The following TULP4 variants were observed in gnomAD, a reference collection of about 807,000 sequenced individuals.
TULP4 encodes TUB like protein 4.
A neutral mutation model predicts 129.0 loss-of-function variants in TULP4; 16 were observed. The ratio of observed to expected loss-of-function variants is 0.12; its 90% CI spans 0.08 to 0.19. The LOEUF (loss-of-function observed/expected upper bound fraction) is 0.19, where lower values mean the gene tolerates loss of function less well. Ranked by LOEUF, TULP4 falls within the 10% of genes least tolerant of loss-of-function variation. The probability of loss-of-function intolerance (pLI) is 1.00; values close to 1 mark genes in which losing one functional copy is unlikely to be tolerated. For missense variants in TULP4, 1,842 were observed against 2,059.1 expected (o/e 0.89, Z 2.04); for synonymous variants, 998 against 854.0 (o/e 1.17, Z -2.94).
rs556955294 is a variant in TULP4 at position 158,284,512 on chromosome 6, C to T, written n.116+2134C>T. On this transcript the variant is annotated intron_variant and non_coding_transcript_variant, in intron 1 of 1. Coordinates refer to the TULP4 transcript ENST00000432358. Reference sequence around the variant, plus strand: ...CTAGACATATAAGGAAATGAGCCGCCGTGAATGAGAGTCAGCTTAAAGTCA... The same window carrying T: ...CTAGACATATAAGGAAATGAGCCGCTGTGAATGAGAGTCAGCTTAAAGTCA... Among the ~76,000 whole-genome samples the T allele has an allele frequency of 4.6e-5, 7 of 151,034 alleles. 1 individual carries two copies. The highest frequency in any genetic ancestry group is 1.9e-4 in the East Asian group (1 of 5,186).
At chr6:158,411,390 A>T (rs1778097847) in intron 1 of TULP4, among the ~76,000 whole-genome samples, 1 of 152,178 alleles carries the variant, frequency 6.6e-6, no homozygotes, top group African/African-American at 2.4e-5. Flanking sequence ...GACTAGAGCA[A>T]GGAAGAGGGT....
At chr6:158,350,248 C>G (rs371918694) in intron 1 of TULP4, among the ~76,000 whole-genome samples, 1 of 4,520 alleles carries the variant, frequency 2.2e-4, no homozygotes, top group Non-Finnish European at 1.0e-3. Flanking sequence ...CCAGACGGGG[C>G]GGCCGGGCAG....
At chr6:158,489,500 CGTCT>C (rs1334831178) in intron 8 of TULP4, 84 bp from the exon 9 acceptor site, 18 of 1,511,534 alleles carry the variant, frequency 1.2e-5, no homozygotes, top group Non-Finnish European at 1.4e-5. Context: ...CTGTGGAGTC[CGTCT>C]GTCTTTTAGT....
intron 1 of TULP4, among the ~76,000 whole-genome samples, chr6:158,299,624 T>TAACATTAACCCATAGTAAC (rs1779099711): frequency 6.6e-6 from 1 of 152,184 alleles, no homozygotes; most frequent in African/African-American, 2.4e-5. Flanking sequence ...AGGAGGGCAT[T>TAACATTAACCCATAGTAAC]TATAACCCAT....
Position 158,502,564 on chromosome 6 carries a change from G to T in TULP4, c.2901G>T (p.Gln967His), listed in dbSNP as rs1357384165. ...DPPPYPEIASQLAQGRGAAQR... is the reference protein window; with the variant it reads ...DPPPYPEIASHLAQGRGAAQR... ...CCCCGTATCCTGAAATTGCCAGCCA[G>T]CTGGCCCAGGGGCGGGGGGCTGCCC... The change falls in exon 13 of 14, where the codon CAG becomes CAT. Residue 967 changes from glutamine (Q) to histidine (H), a missense_variant. By Grantham distance (24) the Gln-to-His change is conservative. Transcript: ENST00000367097. 1 of 1,606,334 alleles carries T rather than the reference G, an allele frequency of 6.2e-7. No homozygotes were observed. Among genetic ancestry groups the T allele is most frequent in the East Asian group, 2.2e-5 (1 of 44,852 alleles).
intron 7 of TULP4, 77 bp from the exon 8 acceptor site, chr6:158,480,978 C>T (rs1019187499): frequency 6.0e-6 from 8 of 1,340,894 alleles, no homozygotes; most frequent in African/African-American, 2.9e-5. Context: ...GTTGACCTGC[C>T]CCCGTGCCCA....
At chr6:158,351,059 T>C (rs976626006) in intron 1 of TULP4, among the ~76,000 whole-genome samples, 5 of 152,274 alleles carry the variant, frequency 3.3e-5, no homozygotes, top group African/African-American at 1.2e-4. Context: ...TGGCCCTGTT[T>C]TGGTCTTTAT....
intron 1 of TULP4, among the ~76,000 whole-genome samples, chr6:158,259,287 A>G (rs896640444): frequency 6.6e-6 from 1 of 152,222 alleles, no homozygotes; most frequent in Non-Finnish European, 1.5e-5. Flanking sequence ...AGTGTGTGCC[A>G]GTGGATCTGT....
intron 8 of TULP4, 82 bp from the exon 9 acceptor site, chr6:158,489,506 T>C (rs1269858887): frequency 6.5e-7 from 1 of 1,548,908 alleles, no homozygotes; most frequent in Non-Finnish European, 8.8e-7. Context: ...AGTCCGTCTG[T>C]CTTTTAGTTT....
chr6:158,413,125 G>A lies in TULP4; in HGVS notation c.313G>A (p.Gly105Ser). 2 of 1,614,044 alleles carry A rather than the reference G, an allele frequency of 1.2e-6. No individual in the cohort carries two copies. Among genetic ancestry groups the A allele is most frequent in the Non-Finnish European group, 1.7e-6 (2 of 1,179,910 alleles). The change falls in exon 2 of 14, where the codon GGC becomes AGC. Residue 105 changes from glycine (G) to serine (S), a missense_variant. Coordinates refer to ENST00000367097, the MANE Select transcript of TULP4 (RefSeq NM_020245.5). This position sits in a 1 kb window ranked among gnomAD's most constrained non-coding sequence, Gnocchi z 4.9. ...QKLATCDADG[G>S]IFVWIQYEGR... ...ACTGGCCACGTGCGATGCGGACGGAGGCATATTCGTGTGGATTCAGTACGA... is the reference window on the plus strand; with the variant it reads ...ACTGGCCACGTGCGATGCGGACGGAAGCATATTCGTGTGGATTCAGTACGA...
At chr6:158,398,392 C>T (rs1027051332) in intron 1 of TULP4, 2 of 152,260 alleles carry the variant, frequency 1.3e-5, no homozygotes, top group Non-Finnish European at 2.9e-5. Flanking sequence ...TTCACAATGT[C>T]CCCCCTTTCC....
chr6:158,451,894 C>T (rs530511080), intron 4 of TULP4, among the ~76,000 whole-genome samples: 4 of 152,316 alleles, frequency 2.6e-5, no homozygotes, highest in Non-Finnish European at 5.9e-5. Flanking sequence ...CACCAATTGC[C>T]CCCAGGGCTA....
chr6:158,293,182 A>T (rs1778974306), intron 1 of TULP4, among the ~76,000 whole-genome samples: 1 of 152,294 alleles, frequency 6.6e-6, no homozygotes, highest in Non-Finnish European at 1.5e-5. Flanking sequence ...CAGCCATATA[A>T]AGTAAATAGG....
chr6:158,416,852 T>C (rs956766616), intron 2 of TULP4, among the ~76,000 whole-genome samples: 3 of 152,358 alleles, frequency 2.0e-5, no homozygotes, highest in East Asian at 3.9e-4. Flanking sequence ...ACTGTATTCT[T>C]ACTGTATGTT....
intron 1 of TULP4, among the ~76,000 whole-genome samples, chr6:158,318,484 G>A (rs1012995604): frequency 6.6e-6 from 1 of 152,152 alleles, no homozygotes; most frequent in African/African-American, 2.4e-5. Context: ...CTTACCTCAT[G>A]TTGTTTACAG....
chr6:158,502,419 C>G lies in TULP4; in HGVS notation c.2756C>G (p.Pro919Arg), dbSNP rs141158549. Residue 919 changes from proline (P) to arginine (R), a missense_variant, in exon 13 of 14, where the codon CCG (proline) becomes CGG (arginine). By Grantham distance (103) the Pro-to-Arg change is moderately radical (BLOSUM62 -2). This residue lies in a region of TULP4 where 1,089 missense variants were observed against 987.1 expected (regional missense o/e 1.10). Transcript: ENST00000367097. ...CAGAACACGTACACCCTCCCCGGCC[C>G]GGGTAGCTCTGCCACCTTGAGGCTC... ...CSQNTYTLPGPGSSATLRLTA... is the reference protein window; with the variant it reads ...CSQNTYTLPGRGSSATLRLTA... 1.9e-6 allele frequency: 3 copies of G among 1,613,472 alleles called. No homozygotes were observed. The highest frequency in any genetic ancestry group is 1.3e-5 in the African/African-American group (1 of 74,816).
At chr6:158,236,667 TAGA>T (rs1243515418) in intron 1 of TULP4, among the ~76,000 whole-genome samples, 1 of 152,090 alleles carries the variant, frequency 6.6e-6, no homozygotes, top group Admixed American at 6.6e-5. Context: ...GCTGAAATAG[TAGA>T]AGTAGTTTCT....
chr6:158,415,016 A>T (rs1013433289), intron 2 of TULP4, among the ~76,000 whole-genome samples: 2 of 152,244 alleles, frequency 1.3e-5, no homozygotes, highest in African/African-American at 4.8e-5. Context: ...TCATGTTCCC[A>T]AACAAGAAAT....
intron 1 of TULP4, among the ~76,000 whole-genome samples, chr6:158,318,644 TTATAACTTGTGTTAAATACAAGTC>T (rs1272218785): frequency 2.6e-4 from 39 of 152,360 alleles, no homozygotes; most frequent in African/African-American, 6.3e-4. Context: ...CTTTATTTTC[TTATAACTTGTGTTAAATACAAGTC>T]TATAACTTGT....
Sources: allele counts gnomAD v4.1 joint callset (sites outside exome capture counted in the v4.1 genomes callset), GRCh38; gene constraint gnomAD v4.1.1; regional missense constraint gnomAD v4.1.1; non-coding constraint Gnocchi (gnomAD v3.1); transcripts MANE v1.5; gene names NCBI Gene and HGNC (gene_info 2026-07-23, HGNC 2026-07-21).